CNIH4: variants seen among roughly 807,000 people sequenced by gnomAD.
CNIH4 encodes cornichon family member 4.
Under a neutral mutation model 21.5 loss-of-function variants are expected in CNIH4, and 9 were observed. That is an observed-to-expected ratio of 0.42 (90% CI 0.25 to 0.73). The LOEUF (loss-of-function observed/expected upper bound fraction) is 0.73, where lower values mean the gene tolerates loss of function less well. Among genes scored for constraint, CNIH4 ranks in the 30% least tolerant of loss-of-function variants. CNIH4 has a pLI of 0.27. For missense variants in CNIH4, 159 were observed against 170.0 expected (o/e 0.94, Z 0.36); for synonymous variants, 67 against 59.1 (o/e 1.13, Z -0.61).
chr1:224,357,286 C>A, intron 1 of CNIH4: 1 of 319,016 alleles, frequency 3.1e-6, no homozygotes, highest in Non-Finnish European at 5.7e-6. Context: ...TCGGCCTGCC[C>A]GCCTGCTCTC....
chr1:224,375,811 ATAAATGAC>A lies in CNIH4; in HGVS notation c.411_418del (p.Ile137MetfsTer18). The A allele has an allele frequency of 6.2e-7, 1 of 1,614,140 alleles. No homozygotes were observed. Among genetic ancestry groups the A allele is most frequent in the African/African-American group, 1.3e-5 (1 of 75,046 alleles). Reference sequence around the variant, plus strand: ...TTTCCACAGTATGATCTTAGCTTTGATAAATGACTGAAGCTGGAGAAGCCGTGGTTGAA... The same window carrying A: ...TTTCCACAGTATGATCTTAGCTTTGATGAAGCTGGAGAAGCCGTGGTTGAA... On this transcript the variant is annotated frameshift_variant, in exon 5 of 5. Transcript: ENST00000465271. LOFTEE classifies it high-confidence loss of function.
intron 2 of CNIH4, among the ~76,000 whole-genome samples, chr1:224,361,553 C>T (rs1672288475): frequency 6.6e-6 from 1 of 152,170 alleles, no homozygotes; most frequent in South Asian, 2.1e-4. Context: ...CCATGCCTGG[C>T]CTAAGCTCCA....
intron 2 of CNIH4, 69 bp from the exon 3 acceptor site, chr1:224,365,810 G>A: frequency 1.0e-6 from 1 of 956,234 alleles, no homozygotes; most frequent in Non-Finnish European, 1.7e-6. Flanking sequence ...CATTGATTTA[G>A]TTTCAAATAA....
In CNIH4 at chr1:224,360,432, T is replaced by A. The variant is rs1010414512; in HGVS notation, c.70-63T>A. On this transcript the variant is annotated intron_variant, in intron 1 of 4. Transcript: ENST00000465271. ...TTCTGCCTTGTAACTGGGATTGCTT[T>A]CTGAAACTTAAATACTTAGTTATTA... 9 of 853,822 alleles carry A rather than the reference T, an allele frequency of 1.1e-5. No homozygotes were observed. In the East Asian group the frequency reaches 3.0e-4, roughly 28 times the overall value. 52.9% of individuals were successfully genotyped at this position (853,822 alleles called of 1,614,324 possible).
chr1:224,368,046 T>C (rs1300496029), intron 3 of CNIH4, among the ~76,000 whole-genome samples: 17 of 152,242 alleles, frequency 1.1e-4, no homozygotes, highest in Admixed American at 1.1e-3. Context: ...GATTCTTTTT[T>C]TAGGCCGGGC....
rs773793666 is a variant in CNIH4, at chr1:224,371,992, G to GT, written c.392+571dup. On this transcript the variant is annotated intron_variant, in intron 4 of 4. Coordinates refer to ENST00000465271, the MANE Select transcript of CNIH4 (RefSeq NM_014184.4). ...ATACAGCTGTGGAGTTCCACTGCCT[G>GT]TTATAAGCATTAATATATGTGCCTC... 4.6e-5 allele frequency among the ~76,000 whole-genome samples: 7 copies of GT among 152,244 alleles called. No individual in the cohort carries two copies. The South Asian group carries it at 8.3e-4, about 18-fold the overall frequency.
intron 1 of CNIH4, among the ~76,000 whole-genome samples, chr1:224,358,387 T>G (rs1672178589): frequency 6.6e-6 from 1 of 152,170 alleles, no homozygotes; most frequent in African/African-American, 2.4e-5. Flanking sequence ...TTTTAGTAGG[T>G]TTGGGGAGCT....
chr1:224,371,603 A>G (rs1030866327), intron 4 of CNIH4, among the ~76,000 whole-genome samples, 180 bp downstream of exon 4: 10 of 152,194 alleles, frequency 6.6e-5, no homozygotes, highest in Admixed American at 6.5e-4. Flanking sequence ...GAACTACAGT[A>G]GATCTACCCT....
In CNIH4 at chr1:224,356,936, G is replaced by T. The variant is rs1406119227; in HGVS notation, c.12G>T (p.Val4=). Residue 4 remains valine, a synonymous_variant, in exon 1 of 5, where the codon GTG becomes GTT. Coordinates refer to ENST00000465271, the MANE Select transcript of CNIH4 (RefSeq NM_014184.4). ...GACGGAGGAGGAGGATGGAGGCGGT[G>T]GTGTTCGTCTTCTCTCTCCTCGATT... The part of the protein sequence containing the change: MEA[V]VFVFSLLDCC... 1.2e-6 allele frequency: 2 copies of T among 1,610,564 alleles called. No individual in the cohort carries two copies. Among genetic ancestry groups the T allele is most frequent in the Non-Finnish European group, 1.7e-6 (2 of 1,178,488 alleles).
In CNIH4 at chr1:224,379,189, T is replaced by A; in HGVS notation, c.*3367T>A. The A allele has an allele frequency of 8.1e-7, 1 of 1,237,950 alleles. No homozygotes were observed. The allele number at this position is 1,237,950 out of a possible 1,614,324, so 76.7% of individuals were successfully genotyped here. ...GTCCCCTCAGCTGCCTTTTCATGCC[T>A]GCCACAGACTACAGTAGGACAAAAC... is the stretch of plus-strand genomic sequence containing the variant. On this transcript the variant is annotated 3_prime_UTR_variant, in exon 5 of 5. Transcript: ENST00000465271.
chr1:224,376,100 G>A lies in CNIH4; in HGVS notation c.*278G>A, dbSNP rs933475952. ...AGGTGGTTATTTGTATGTAGGAACA[G>A]GACTGCCATCCCAGCTTTGCATGCC... On this transcript the variant is annotated 3_prime_UTR_variant, in exon 5 of 5. Coordinates refer to ENST00000465271, the MANE Select transcript of CNIH4 (RefSeq NM_014184.4). The A allele has an allele frequency of 1.7e-6, 2 of 1,149,522 alleles. No individual in the cohort carries two copies. Among genetic ancestry groups the A allele is most frequent in the Non-Finnish European group, 2.1e-6 (2 of 934,314 alleles). 71.2% of individuals were successfully genotyped at this position (1,149,522 alleles called of 1,614,324 possible). A position where few individuals can be genotyped will look rare whatever the true frequency, so the allele number is the denominator to read the frequency against.
intron 4 of CNIH4, among the ~76,000 whole-genome samples, chr1:224,372,094 C>G (rs1672648163): frequency 6.6e-6 from 1 of 152,162 alleles, no homozygotes; most frequent in African/African-American, 2.4e-5. Flanking sequence ...CCAAATTGTG[C>G]TGATCTTTCT....
intron 3 of CNIH4, among the ~76,000 whole-genome samples, chr1:224,367,327 AT>A (rs953408887): frequency 1.6e-4 from 25 of 152,174 alleles, no homozygotes; most frequent in Admixed American, 1.3e-3. Context: ...TGGGATGCAC[AT>A]GAAAAGATAA....
intron 2 of CNIH4, among the ~76,000 whole-genome samples, chr1:224,360,954 T>A (rs1333308577): frequency 6.6e-6 from 1 of 151,400 alleles, no homozygotes; most frequent in Non-Finnish European, 1.5e-5. Flanking sequence ...GAGAAAATAA[T>A]TTTTTTTTAA....
Position 224,356,958 on chromosome 1 carries a change from G to T in CNIH4, c.34G>T (p.Asp12Tyr). ...EAVVFVFSLL[D>Y]CCALIFLSVY... is the part of the protein sequence containing the mutation. The stretch of plus-strand genomic sequence containing the variant: ...GGTGGTGTTCGTCTTCTCTCTCCTC[G>T]ATTGTTGCGCGCTCATCTTCCTCTC... Residue 12 changes from aspartate to tyrosine, a missense_variant, in exon 1 of 5, where the codon GAT becomes TAT. Physicochemically the swap from Asp to Tyr is radical, Grantham distance 160. Coordinates refer to ENST00000465271, the MANE Select transcript of CNIH4 (RefSeq NM_014184.4). 1 of 1,612,604 alleles carries T rather than the reference G, an allele frequency of 6.2e-7. No individual in the cohort carries two copies. The highest frequency in any genetic ancestry group is 1.1e-5 in the South Asian group (1 of 90,624).
At position 224,360,495 on chromosome 1, in the gene CNIH4, A is replaced by T. The variant is rs1353247400; in HGVS notation, c.70A>T (p.Ile24Leu). 1 of 1,385,788 alleles carries T rather than the reference A, an allele frequency of 7.2e-7. No individual in the cohort carries two copies. Among genetic ancestry groups the T allele is most frequent in the Non-Finnish European group, 9.7e-7 (1 of 1,026,304 alleles). The allele number at this position is 1,385,788 out of a possible 1,614,324, so 85.8% of individuals were successfully genotyped here. The part of the protein sequence containing the change: ...CALIFLSVYF[I>L]ITLSDLECDY... ...AATAATTCCTTATCTTGATCATCAG[A>T]TAATTACATTGTCTGATTTAGAATG... Residue 24 changes from isoleucine (I) to leucine (L), a missense_variant and splice_region_variant, in exon 2 of 5, where the codon ATA becomes TTA. Transcript: ENST00000465271.
chr1:224,375,647 A>G lies in CNIH4; in HGVS notation c.393-148A>G, dbSNP rs924541610. ...AAAAGTTTGGACATGAAAGATCCTAATATATTCTTTCCTTTGGGTATGAAT... is the reference window on the plus strand; with the variant it reads ...AAAAGTTTGGACATGAAAGATCCTAGTATATTCTTTCCTTTGGGTATGAAT... On this transcript the variant is annotated intron_variant, in intron 4 of 4. Transcript: ENST00000465271. 22 of 835,794 alleles carry G rather than the reference A, an allele frequency of 2.6e-5. No homozygotes were observed. The South Asian group carries it at 2.8e-4, about 11-fold the overall frequency. The allele number at this position is 835,794 out of a possible 1,614,324, so 51.8% of individuals were successfully genotyped here.
Position 224,376,672 on chromosome 1 carries a change from C to T in CNIH4, c.*850C>T, listed in dbSNP as rs11584980. 0.2 allele frequency: 200,556 copies of T among 985,240 alleles called. 20,968 individuals are homozygous for T. Among genetic ancestry groups the T allele is most frequent in the Middle Eastern group, 0.23 (440 of 1,914 alleles). 61.0% of individuals were successfully genotyped at this position (985,240 alleles called of 1,614,324 possible). A position where few individuals can be genotyped will look rare whatever the true frequency, so the allele number is the denominator to read the frequency against. ...TGAAATTGAGCCTTTTGGTGCGCCA[C>T]GTGGTGCCAGATCAACACTTCTATC... On this transcript the variant is annotated 3_prime_UTR_variant, in exon 5 of 5. Coordinates refer to ENST00000465271, the MANE Select transcript of CNIH4 (RefSeq NM_014184.4).
chr1:224,367,691 C>T (rs1156843598), intron 3 of CNIH4, among the ~76,000 whole-genome samples: 1 of 152,102 alleles, frequency 6.6e-6, no homozygotes, highest in Non-Finnish European at 1.5e-5. Context: ...CACACCACCG[C>T]ACCTGGCCTC....
Sources: allele counts gnomAD v4.1 joint callset (sites outside exome capture counted in the v4.1 genomes callset), GRCh38; gene constraint gnomAD v4.1.1; transcripts MANE v1.5; gene names NCBI Gene and HGNC (gene_info 2026-07-23, HGNC 2026-07-21).